Variants in UTRN observed in about 807,000 individuals in gnomAD.
UTRN encodes utrophin.
Under a neutral mutation model 463.9 loss-of-function variants are expected in UTRN, and 283 were observed. The ratio of observed to expected loss-of-function variants is 0.61; its 90% confidence interval spans 0.55 to 0.67. UTRN has a LOEUF of 0.67. UTRN is among the 30% of genes least tolerant of loss of function. The pLI is 0.00. For synonymous variants in UTRN, 1,442 were observed against 1,431.5 expected, an observed-to-expected ratio of 1.01 and a Z score of -0.17; for missense variants, 3,922 against 4,084.3, an observed-to-expected ratio of 0.96 and a Z score of 1.08.
chr6:144,579,875 A>C (rs1801797190), intron 51 of UTRN, among the ~76,000 whole-genome samples: 1 of 152,202 alleles, frequency 6.6e-6, no homozygotes, highest in South Asian at 2.1e-4. Context: ...AGAATGTTTC[A>C]CATTACGGTA....
At chr6:144,337,379 C>A (rs1584335491) in intron 2 of UTRN, among the ~76,000 whole-genome samples, 1 of 152,248 alleles carries the variant, frequency 6.6e-6, no homozygotes, top group East Asian at 1.9e-4. Context: ...CGATTATTGT[C>A]TCCCTTTTAA....
intron 46 of UTRN, among the ~76,000 whole-genome samples, chr6:144,548,226 T>TTA (rs1562556790): frequency 6.6e-6 from 1 of 152,184 alleles, no homozygotes; most frequent in Non-Finnish European, 1.5e-5. Context: ...TGGGTATAGG[T>TTA]TATTACATAG....
chr6:144,388,629 G>A (rs543717031), intron 2 of UTRN, among the ~76,000 whole-genome samples: 82 of 152,110 alleles, frequency 5.4e-4, no homozygotes, highest in Admixed American at 1.4e-3. Flanking sequence ...CACCTGAGTA[G>A]CTGGGACCAT....
chr6:144,786,078 G>T (rs1562908431), intron 61 of UTRN, among the ~76,000 whole-genome samples: 1 of 152,074 alleles, frequency 6.6e-6, no homozygotes, highest in Non-Finnish European at 1.5e-5. Flanking sequence ...TTAAAGAGTT[G>T]CCTATGAAAA....
intron 51 of UTRN, among the ~76,000 whole-genome samples, chr6:144,638,239 A>C (rs1276795630): frequency 6.6e-6 from 1 of 152,232 alleles, no homozygotes; most frequent in African/African-American, 2.4e-5. Flanking sequence ...AGTACAGGGG[A>C]CTTTTCTTTA....
intron 51 of UTRN, among the ~76,000 whole-genome samples, chr6:144,637,482 G>T (rs1329366973): frequency 6.6e-6 from 1 of 151,706 alleles, no homozygotes; most frequent in African/African-American, 2.4e-5. Flanking sequence ...TTTCTTGAAA[G>T]AGCAACTATA....
At chr6:144,299,605 C>T (rs538421015) in intron 2 of UTRN, among the ~76,000 whole-genome samples, 2 of 152,146 alleles carry the variant, frequency 1.3e-5, no homozygotes, top group African/African-American at 4.8e-5. Flanking sequence ...CTCCACTGCG[C>T]TCCTTAGTTA....
intron 35 of UTRN, among the ~76,000 whole-genome samples, chr6:144,513,437 C>A (rs1203703310): frequency 6.6e-6 from 1 of 152,088 alleles, no homozygotes; most frequent in African/African-American, 2.4e-5. Flanking sequence ...GCAGTCCCAG[C>A]TACTCGGGAG....
chr6:144,322,959 AT>A (rs1353523881), intron 2 of UTRN, among the ~76,000 whole-genome samples: 2 of 150,936 alleles, frequency 1.3e-5, no homozygotes, highest in African/African-American at 4.9e-5. Flanking sequence ...AAAAAAAAAA[AT>A]GGATTTCATG....
At chr6:144,712,452 A>G (rs1485192539) in intron 53 of UTRN, among the ~76,000 whole-genome samples, 1 of 152,240 alleles carries the variant, frequency 6.6e-6, no homozygotes, top group African/African-American at 2.4e-5. Flanking sequence ...GGCAAGAAAC[A>G]GAGGCCTGTA....
chr6:144,623,343 C>T (rs1562665224), intron 51 of UTRN, among the ~76,000 whole-genome samples: 1 of 152,188 alleles, frequency 6.6e-6, no homozygotes, highest in East Asian at 1.9e-4. Context: ...ATATAAAATA[C>T]ACCTTTAATT....
intron 2 of UTRN, among the ~76,000 whole-genome samples, chr6:144,306,938 A>G (rs113428181): frequency 0.06 from 9,042 of 151,390 alleles, 874 homozygotes; most frequent in African/African-American, 0.21. Context: ...GGGGTCGCGC[A>G]CCTGTAGTCC....
chr6:144,497,818 G>T (rs1381689635), intron 33 of UTRN, among the ~76,000 whole-genome samples: 1 of 152,154 alleles, frequency 6.6e-6, no homozygotes, highest in Non-Finnish European at 1.5e-5. Context: ...AATATATCTG[G>T]ACTGAAGAGG....
At chr6:144,732,277 TACACAC>T (rs1291563673) in intron 54 of UTRN, among the ~76,000 whole-genome samples, 3 of 88,754 alleles carry the variant, frequency 3.4e-5, no homozygotes, top group South Asian at 4.6e-4. Context: ...TATATATATA[TACACAC>T]ATATATATAT....
intron 13 of UTRN, among the ~76,000 whole-genome samples, chr6:144,441,301 G>C (rs572672723): frequency 1.3e-5 from 2 of 152,182 alleles, no homozygotes; most frequent in African/African-American, 4.8e-5. Context: ...TTACTTCCTA[G>C]CTACAATGGG....
chr6:144,761,957 A>C (rs186572818), intron 58 of UTRN, among the ~76,000 whole-genome samples: 1 of 152,282 alleles, frequency 6.6e-6, no homozygotes, highest in Admixed American at 6.5e-5. Flanking sequence ...AATAATGATA[A>C]ATAGTTGCTG....
At position 144,514,713 on chromosome 6, in the gene UTRN, A is replaced by T; in HGVS notation, c.5137A>T (p.Ile1713Phe). Residue 1713 changes from isoleucine to phenylalanine, a missense_variant, in exon 37 of 75, where the codon ATT (isoleucine) becomes TTT (phenylalanine). Ile to Phe is a conservative substitution (Grantham distance 21). Around this residue, in one of 3 missense-constraint regions of UTRN, gnomAD observed 2,349 missense variants for 2,303.8 expected, o/e 1.02. Coordinates refer to ENST00000367545, the MANE Select transcript of UTRN (RefSeq NM_007124.3). ...TGAAAATGTCCGCGATCAAGCCCTTATTTTGATGAATGCCCGTGGAAGCTC... is the reference window on the plus strand; with the variant it reads ...TGAAAATGTCCGCGATCAAGCCCTTTTTTTGATGAATGCCCGTGGAAGCTC... The part of the protein sequence containing the change: ...QVENVRDQAL[I>F]LMNARGSSSR... 1.2e-6 allele frequency: 2 copies of T among 1,614,146 alleles called. No homozygotes were observed. The highest frequency in any genetic ancestry group is 1.7e-6 in the Non-Finnish European group (2 of 1,180,016).
rs767764709 is a variant in UTRN at position 144,458,881 on chromosome 6, A to G, written c.2396A>G (p.Asp799Gly). Residue 799 changes from aspartate to glycine, a missense_variant, in exon 20 of 75, where the codon GAT (aspartate) becomes GGT (glycine). Physicochemically the swap from Asp to Gly is moderately conservative, Grantham distance 94 (BLOSUM62 -1). Coordinates refer to ENST00000367545, the MANE Select transcript of UTRN (RefSeq NM_007124.3). ...GAAAGAAAGATTCAGCTACAGGAAG[A>G]TATAAATGCTTATTTCAAGCAGCTT... is the stretch of plus-strand genomic sequence containing the variant. ...DLERKIQLQE[D>G]INAYFKQLDE... is the part of the protein sequence containing the mutation. The G allele has an allele frequency of 6.2e-7, 1 of 1,613,880 alleles. No homozygotes were observed. Among genetic ancestry groups the G allele is most frequent in the African/African-American group, 1.3e-5 (1 of 74,904 alleles).
At chr6:144,710,926 A>G (rs1208053303) in intron 53 of UTRN, among the ~76,000 whole-genome samples, 1 of 152,166 alleles carries the variant, frequency 6.6e-6, no homozygotes, top group East Asian at 1.9e-4. Context: ...TAAACAGCAC[A>G]CTCATTATTT....
Sources: gnomAD v4.1 joint callset for allele counts (sites outside exome capture counted in the v4.1 genomes callset) on GRCh38, gnomAD v4.1.1 for gene constraint, gnomAD v4.1.1 regional missense constraint, MANE v1.5 for transcripts, NCBI Gene and HGNC (gene_info 2026-07-23, HGNC 2026-07-21) for gene names.